VPS50: variants seen among roughly 807,000 people sequenced by gnomAD.
The protein encoded by VPS50 is VPS50 subunit of EARP/GARPII complex.
Under a neutral mutation model 139.7 loss-of-function variants are expected in VPS50, and 70 were observed. The observed-to-expected ratio is 0.50, with a 90% CI of 0.41 to 0.61. The LOEUF is 0.61. Among genes scored for constraint, VPS50 ranks in the 20% least tolerant of loss-of-function variants. The probability of loss-of-function intolerance (pLI) is 0.00; values close to 1 mark genes in which losing one functional copy is unlikely to be tolerated. For missense variants in VPS50, 921 were observed against 1,133.7 expected (o/e 0.81, Z 2.69); for synonymous variants, 365 against 376.7 (o/e 0.97, Z 0.36).
At chr7:93,234,301 C>T (rs950562336) in intron 1 of VPS50, among the ~76,000 whole-genome samples, 1 of 152,094 alleles carries the variant, frequency 6.6e-6, no homozygotes, top group Non-Finnish European at 1.5e-5. Context: ...GTGTATGTCT[C>T]CTAAATGTAA....
chr7:93,306,014 G>T lies in VPS50; in HGVS notation c.1629+10G>T, dbSNP rs1270243626. On this transcript the variant is annotated intron_variant, in intron 18 of 27. Transcript: ENST00000305866. ...CTTAGCTTCTAATGGGGTATGTGGT[G>T]TATGTGAAACATAAGTGAGTTTTTT... is the stretch of plus-strand genomic sequence containing the variant. 44 of 1,599,810 alleles carry T rather than the reference G, an allele frequency of 2.8e-5. No homozygotes were observed. Among genetic ancestry groups the T allele is most frequent in the Non-Finnish European group, 3.8e-5 (44 of 1,170,158 alleles).
At chr7:93,333,142 G>A (rs954231928) in intron 21 of VPS50, among the ~76,000 whole-genome samples, 15 of 152,042 alleles carry the variant, frequency 9.9e-5, no homozygotes, top group African/African-American at 3.6e-4. Flanking sequence ...GATTAATGAA[G>A]TTTATAAAAC....
chr7:93,261,731 C>G (rs1795690297), intron 9 of VPS50, among the ~76,000 whole-genome samples: 1 of 149,014 alleles, frequency 6.7e-6, no homozygotes, highest in Admixed American at 6.7e-5. Flanking sequence ...GGAAGTTGTG[C>G]ATACAGTGGA....
At position 93,308,885 on chromosome 7, in the gene VPS50, C is replaced by G; in HGVS notation, c.1691C>G (p.Pro564Arg). The change falls in exon 19 of 28, where the codon CCT becomes CGT. Residue 564 changes from proline to arginine, a missense_variant. Physicochemically the swap from Pro to Arg is moderately radical, Grantham distance 103 (BLOSUM62 -2). This residue lies in a region of VPS50 where 744 missense variants were observed against 930.6 expected (regional missense o/e 0.80). Transcript: ENST00000305866. The part of the protein sequence containing the change: ...YQEYDSDSDV[P>R]EELKRDYVDE... ...GAGTATGACAGTGACAGTGATGTTC[C>G]TGAGGAACTCAAACGAGACTATGTG... 1 of 1,608,854 alleles carries G rather than the reference C, an allele frequency of 6.2e-7. No individual in the cohort carries two copies. The highest frequency in any genetic ancestry group is 8.5e-7 in the Non-Finnish European group (1 of 1,175,964).
At chr7:93,276,494 A>T (rs762630310) in intron 12 of VPS50, 189 bp downstream of exon 12, 12 of 906,606 alleles carry the variant, frequency 1.3e-5, no homozygotes, top group Non-Finnish European at 1.8e-5. Flanking sequence ...CACAAATGGT[A>T]AAGGTTACTG....
At position 93,235,076 on chromosome 7, in the gene VPS50, C is replaced by T. The variant is rs182014749; in HGVS notation, c.33+2576C>T. 2.3e-3 allele frequency among the ~76,000 whole-genome samples: 357 copies of T among 152,190 alleles called. 2 individuals carry two copies. The highest frequency in any genetic ancestry group is 7.9e-3 in the African/African-American group (327 of 41,514). On this transcript the variant is annotated intron_variant, in intron 1 of 27. Coordinates refer to ENST00000305866, the MANE Select transcript of VPS50 (RefSeq NM_017667.4). ...TAGATAGGATGGCCACGGAAGGCCT[C>T]ACAGAGAAGGTAATATAAAAAAACC...
At position 93,272,644 on chromosome 7, in the gene VPS50, G is replaced by C. The variant is rs1354240919; in HGVS notation, c.712G>C (p.Asp238His). ...TCTTTTAATTATATAGGAACAGCTGGACGTAGCTCTTTCCAAAATCTGCAA... is the reference window on the plus strand; with the variant it reads ...TCTTTTAATTATATAGGAACAGCTGCACGTAGCTCTTTCCAAAATCTGCAA... The part of the protein sequence containing the change: ...DTLEQIEEQL[D>H]VALSKICKNF... The change falls in exon 11 of 28, where the codon GAC (aspartate) becomes CAC (histidine). Residue 238 changes from aspartate to histidine, a missense_variant. Around this residue, in one of 3 missense-constraint regions of VPS50, gnomAD observed 744 missense variants for 930.6 expected, o/e 0.80. Coordinates refer to ENST00000305866, the MANE Select transcript of VPS50 (RefSeq NM_017667.4). The C allele has an allele frequency of 6.8e-7, 1 of 1,480,402 alleles. No homozygotes were observed. Among genetic ancestry groups the C allele is most frequent in the African/African-American group, 1.4e-5 (1 of 70,664 alleles). The allele number at this position is 1,480,402 out of a possible 1,614,324, so 91.7% of individuals were successfully genotyped here.
intron 24 of VPS50, among the ~76,000 whole-genome samples, chr7:93,349,305 C>T (rs549768246): frequency 1.4e-4 from 21 of 152,168 alleles, no homozygotes; most frequent in African/African-American, 4.3e-4. Flanking sequence ...GGGAGGAGGT[C>T]TGGGGATGAG....
chr7:93,358,146 C>G (rs1261850011), intron 27 of VPS50, among the ~76,000 whole-genome samples, 171 bp from the exon 28 acceptor site: 1 of 152,140 alleles, frequency 6.6e-6, no homozygotes, highest in Non-Finnish European at 1.5e-5. Context: ...CCTATTACAG[C>G]TCAGTAAACA....
At chr7:93,282,728 A>G (rs1285539678) in intron 12 of VPS50, among the ~76,000 whole-genome samples, 1 of 152,196 alleles carries the variant, frequency 6.6e-6, no homozygotes, top group African/African-American at 2.4e-5. Flanking sequence ...AATTTGCTTG[A>G]TGTGGTTGAA....
intron 21 of VPS50, among the ~76,000 whole-genome samples, chr7:93,331,312 C>T (rs983454831): frequency 1.4e-5 from 2 of 146,560 alleles, no homozygotes; most frequent in African/African-American, 2.5e-5. Flanking sequence ...ATGGCCAAAA[C>T]ATTTTTGAAG....
intron 1 of VPS50, among the ~76,000 whole-genome samples, chr7:93,236,741 A>C (rs953834924): frequency 2.6e-5 from 4 of 152,296 alleles, no homozygotes; most frequent in Middle Eastern, 3.4e-3. Context: ...AAAGTGTTAA[A>C]AATCTGTAAT....
At chr7:93,342,177 G>A (rs1643902976) in intron 23 of VPS50, among the ~76,000 whole-genome samples, 2 of 152,226 alleles carry the variant, frequency 1.3e-5, no homozygotes, top group Non-Finnish European at 2.9e-5. Flanking sequence ...AGCACAAGGG[G>A]TCAGGGAGTT....
At chr7:93,289,714 A>G (rs993223106) in intron 12 of VPS50, among the ~76,000 whole-genome samples, 6 of 151,980 alleles carry the variant, frequency 3.9e-5, no homozygotes, top group African/African-American at 1.2e-4. Context: ...GTCTAATTTT[A>G]TGTTTTTCCA....
rs1460862552 is a variant in VPS50, at chr7:93,308,920, A to G, written c.1726A>G (p.Thr576Ala). 5 of 1,586,172 alleles carry G rather than the reference A, an allele frequency of 3.2e-6. No individual in the cohort carries two copies. The highest frequency in any genetic ancestry group is 4.3e-6 in the Non-Finnish European group (5 of 1,155,500). The change falls in exon 19 of 28, where the codon ACA becomes GCA. Residue 576 changes from threonine (T) to alanine (A), a missense_variant. By Grantham distance (58) the Thr-to-Ala change is moderately conservative (BLOSUM62 0). Around this residue, in one of 3 missense-constraint regions of VPS50, gnomAD observed 744 missense variants for 930.6 expected, o/e 0.80. Transcript: ENST00000305866. Reference protein sequence around the residue: ...ELKRDYVDEQTGDGPVKSVSR... With the variant: ...ELKRDYVDEQAGDGPVKSVSR... ...CAAACGAGACTATGTGGATGAGCAG[A>G]CAGGAGATGGTCCTGTGAAAAGGTG... is the stretch of plus-strand genomic sequence containing the variant.
At chr7:93,344,395 C>T (rs559448924) in intron 23 of VPS50, among the ~76,000 whole-genome samples, 1 of 152,178 alleles carries the variant, frequency 6.6e-6, no homozygotes, top group African/African-American at 2.4e-5. Flanking sequence ...GACTTTAACA[C>T]CCCACTGTCA....
Position 93,355,967 on chromosome 7 carries a change from C to T in VPS50, c.2662C>T (p.Leu888Phe), listed in dbSNP as rs1451963837. 6 of 1,600,240 alleles carry T rather than the reference C, an allele frequency of 3.7e-6. No homozygotes were observed. The highest frequency in any genetic ancestry group is 5.1e-6 in the Non-Finnish European group (6 of 1,169,398). The change falls in exon 27 of 28, where the codon CTT becomes TTT. Residue 888 changes from leucine to phenylalanine, a missense_variant. This residue lies in a region of VPS50 where 158 missense variants were observed against 156.3 expected (regional missense o/e 1.01). Coordinates refer to ENST00000305866, the MANE Select transcript of VPS50 (RefSeq NM_017667.4). ...GGATTTTCAACAGTTTTTAATGAAA[C>T]TTGAAAAACTAACAGATATTAGACC... ...QLDFQQFLMK[L>F]EKLTDIRPIP...
At position 93,305,814 on chromosome 7, in the gene VPS50, T is replaced by G; in HGVS notation, c.1453-14T>G. 1 of 1,609,136 alleles carries G rather than the reference T, an allele frequency of 6.2e-7. No individual in the cohort carries two copies. Among genetic ancestry groups the G allele is most frequent in the East Asian group, 2.2e-5 (1 of 44,800 alleles). On this transcript the variant is annotated splice_polypyrimidine_tract_variant and intron_variant, in intron 17 of 27. Transcript: ENST00000305866. Reference sequence around the variant, plus strand: ...TGTTGCTAAAGGGTATCTGGCTCCTTTTTTAACATCTAGGAATTTAAATTC... The same window carrying G: ...TGTTGCTAAAGGGTATCTGGCTCCTGTTTTAACATCTAGGAATTTAAATTC...
intron 22 of VPS50, among the ~76,000 whole-genome samples, chr7:93,337,149 T>C (rs1253900669): frequency 6.6e-6 from 1 of 152,204 alleles, no homozygotes; most frequent in South Asian, 2.1e-4. Flanking sequence ...CACAGAACTT[T>C]AGTCTTTAAG....
Sources: gnomAD v4.1 joint callset for allele counts (sites outside exome capture counted in the v4.1 genomes callset) on GRCh38, gnomAD v4.1.1 for gene constraint, gnomAD v4.1.1 regional missense constraint, MANE v1.5 for transcripts, NCBI Gene and HGNC (gene_info 2026-07-23, HGNC 2026-07-21) for gene names.